LAMA1: variants seen among roughly 807,000 people sequenced by gnomAD.
LAMA1 encodes the protein laminin subunit alpha-1.
In LAMA1, 219 loss-of-function variants were observed where a neutral mutation model predicts 348.7. The observed-to-expected ratio is 0.63, with a 90% CI of 0.56 to 0.70. LAMA1 has a LOEUF of 0.70. Ranked by LOEUF, LAMA1 falls within the 30% of genes least tolerant of loss-of-function variation. The probability of loss-of-function intolerance (pLI) is 0.00; values close to 1 mark genes in which losing one functional copy is unlikely to be tolerated. For missense variants in LAMA1, 3,744 were observed against 3,888.0 expected (o/e 0.96, Z 0.99); for synonymous variants, 1,487 against 1,491.0 (o/e 1.00, Z 0.06).
At chr18:7,030,303 G>C (rs1179162045) in intron 16 of LAMA1, among the ~76,000 whole-genome samples, 3 of 152,170 alleles carry the variant, frequency 2.0e-5, no homozygotes, top group African/African-American at 7.2e-5. Context: ...CTGGCTGGGG[G>C]ACATTCCACA....
At position 7,080,325 on chromosome 18, in the gene LAMA1, T is replaced by C; in HGVS notation, c.194A>G (p.Gln65Arg). 6.2e-7 allele frequency: 1 copy of C among 1,614,264 alleles called. No individual in the cohort carries two copies. Among genetic ancestry groups the C allele is most frequent in the Non-Finnish European group, 8.5e-7 (1 of 1,180,052 alleles). ...HVPGRPVRNP[Q>R]CRICDGNSAN... ...GCTGTTGCCATCACAGATCCGGCAC[T>C]GTGGGTTTCGGACGGGCCGACCTGG... The change falls in exon 2 of 63, where the codon CAG becomes CGG. Residue 65 changes from glutamine to arginine, a missense_variant. This residue lies in a region of LAMA1 where 1,529 missense variants were observed against 1,689.4 expected (regional missense o/e 0.91). Coordinates refer to ENST00000389658, the MANE Select transcript of LAMA1 (RefSeq NM_005559.4).
chr18:7,040,061 G>A lies in LAMA1; in HGVS notation c.1422+15C>T. The A allele has an allele frequency of 6.2e-7, 1 of 1,613,544 alleles. No homozygotes were observed. Among genetic ancestry groups the A allele is most frequent in the Non-Finnish European group, 8.5e-7 (1 of 1,179,932 alleles). On this transcript the variant is annotated intron_variant, in intron 10 of 62. Coordinates refer to ENST00000389658, the MANE Select transcript of LAMA1 (RefSeq NM_005559.4). ...TCAAAGGAAGCTCAGGGGTGTCTCT[G>A]ACCTCCCCACTTACCTTACAAACAC...
intron 1 of LAMA1, among the ~76,000 whole-genome samples, chr18:7,097,679 T>C (rs2058267817): frequency 2.0e-5 from 3 of 152,188 alleles, no homozygotes; most frequent in African/African-American, 7.2e-5. Context: ...ATAAAACAGA[T>C]GCATAGATCA....
At chr18:6,960,215 T>C (rs1300425363) in intron 53 of LAMA1, 2 of 155,962 alleles carry the variant, frequency 1.3e-5, no homozygotes, top group Non-Finnish European at 2.8e-5. Context: ...CAAATACTTA[T>C]CCACATATGT....
At chr18:7,014,797 C>T (rs1211855764) in intron 22 of LAMA1, among the ~76,000 whole-genome samples, 1 of 152,156 alleles carries the variant, frequency 6.6e-6, no homozygotes, top group African/African-American at 2.4e-5. Flanking sequence ...AGATAGTATA[C>T]ATTGCACAAT....
chr18:7,026,189 G>GA, intron 16 of LAMA1, 83 bp from the exon 17 acceptor site: 1 of 1,509,992 alleles, frequency 6.6e-7, no homozygotes, highest in Non-Finnish European at 9.0e-7. Flanking sequence ...AAGTCCAAGC[G>GA]GAAAAAAAAA....
At chr18:6,961,517 C>G in intron 53 of LAMA1, 69 bp downstream of exon 53, 1 of 1,565,554 alleles carries the variant, frequency 6.4e-7, no homozygotes, top group South Asian at 1.1e-5. Flanking sequence ...ATGAGTCAGT[C>G]ATTTTCCACT....
At chr18:6,960,432 A>G (rs2057601516) in intron 53 of LAMA1, 1 of 152,156 alleles carries the variant, frequency 6.6e-6, no homozygotes, top group Non-Finnish European at 1.5e-5. Context: ...ATATGATTCC[A>G]TTTGTACAAA....
chr18:7,048,508 T>C (rs2058050655), intron 5 of LAMA1, among the ~76,000 whole-genome samples: 1 of 152,078 alleles, frequency 6.6e-6, no homozygotes, highest in Non-Finnish European at 1.5e-5. Context: ...CATTTCAGCC[T>C]CCCAAAGTGT....
chr18:7,041,539 G>A (rs1243118889), intron 9 of LAMA1, among the ~76,000 whole-genome samples: 2 of 152,182 alleles, frequency 1.3e-5, no homozygotes, highest in Non-Finnish European at 2.9e-5. Context: ...GGTCACAAGA[G>A]TCTTTGAACA....
chr18:6,999,377 C>T, intron 32 of LAMA1, 68 bp downstream of exon 32: 2 of 1,504,514 alleles, frequency 1.3e-6, no homozygotes, highest in Non-Finnish European at 9.2e-7. Context: ...AGCGTGCCGT[C>T]ACCACTTCTT....
In LAMA1 at chr18:6,955,171, C is replaced by T. The variant is rs1230467125; in HGVS notation, c.8207+182G>A. Reference sequence around the variant, plus strand: ...CAGAAACCACAGACTCCCCAGTGAACCACCATGAAAGCGTTGTGATTTGCA... The same window carrying T: ...CAGAAACCACAGACTCCCCAGTGAATCACCATGAAAGCGTTGTGATTTGCA... On this transcript the variant is annotated intron_variant, in intron 57 of 62. Coordinates refer to ENST00000389658, the MANE Select transcript of LAMA1 (RefSeq NM_005559.4). The T allele has an allele frequency of 9.5e-6, 6 of 634,118 alleles. No homozygotes were observed. In the Admixed American group the frequency reaches 1.4e-4, roughly 15 times the overall value. 39.3% of individuals were successfully genotyped at this position (634,118 alleles called of 1,614,324 possible). A position where few individuals can be genotyped will look rare whatever the true frequency, so the allele number is the denominator to read the frequency against.
intron 57 of LAMA1, chr18:6,955,071 T>G (rs1156432533): frequency 2.2e-6 from 1 of 462,624 alleles, no homozygotes; most frequent in Non-Finnish European, 4.0e-6. Flanking sequence ...TCCAGGAGAC[T>G]TAATTTAGAT....
chr18:7,011,972 C>G, intron 24 of LAMA1, 23 bp downstream of exon 24: 1 of 1,588,266 alleles, frequency 6.3e-7, no homozygotes, highest in Non-Finnish European at 8.6e-7. Context: ...AGAAGCAGAA[C>G]ACTTTCGCTG....
At chr18:7,067,109 C>T (rs1188814276) in intron 3 of LAMA1, among the ~76,000 whole-genome samples, 1 of 152,176 alleles carries the variant, frequency 6.6e-6, no homozygotes, top group Non-Finnish European at 1.5e-5. Context: ...GCACCTGGCT[C>T]TCCTCCAGTG....
chr18:7,015,220 G>T (rs1169284165), intron 22 of LAMA1, among the ~76,000 whole-genome samples: 1 of 152,036 alleles, frequency 6.6e-6, no homozygotes, highest in African/African-American at 2.4e-5. Flanking sequence ...GTGTCTTAAG[G>T]GTGTCCTGTC....
rs549405430 is a variant in LAMA1 at position 6,972,088 on chromosome 18, C to A, written c.6775-107G>T. ...TCTGGGAGCTTCAATCTAACAGATC[C>A]AAATTTTGAGAGAGCCACATTAGAA... On this transcript the variant is annotated intron_variant, in intron 47 of 62. Coordinates refer to ENST00000389658, the MANE Select transcript of LAMA1 (RefSeq NM_005559.4). 4.3e-6 allele frequency: 6 copies of A among 1,382,670 alleles called. No individual in the cohort carries two copies. In the Admixed American group the frequency reaches 8.7e-5, roughly 20 times the overall value. 85.7% of individuals were successfully genotyped at this position (1,382,670 alleles called of 1,614,324 possible). A position where few individuals can be genotyped will look rare whatever the true frequency, so the allele number is the denominator to read the frequency against.
At chr18:7,098,052 T>C (rs2058269930) in intron 1 of LAMA1, among the ~76,000 whole-genome samples, 1 of 150,658 alleles carries the variant, frequency 6.6e-6, no homozygotes, top group Non-Finnish European at 1.5e-5. Flanking sequence ...GGTTTCGCTG[T>C]GTTGGCCAGG....
At position 7,109,127 on chromosome 18, in the gene LAMA1, T is replaced by C. The variant is rs982794321; in HGVS notation, c.61+8533A>G. 8.5e-5 allele frequency among the ~76,000 whole-genome samples: 13 copies of C among 152,326 alleles called. No individual in the cohort carries two copies. In the South Asian group the frequency reaches 1.7e-3, roughly 19 times the overall value. On this transcript the variant is annotated intron_variant, in intron 1 of 62. Coordinates refer to ENST00000389658, the MANE Select transcript of LAMA1 (RefSeq NM_005559.4). ...ATCAAATCAACTGCAATCCATTTGA[T>C]TGGATGATACAAAGTCTAAGAGGCT...
Sources: allele counts gnomAD v4.1 joint callset (sites outside exome capture counted in the v4.1 genomes callset), GRCh38; gene constraint gnomAD v4.1.1; regional missense constraint gnomAD v4.1.1; transcripts MANE v1.5; gene names NCBI Gene and HGNC (gene_info 2026-07-23, HGNC 2026-07-21).